The following KHDRBS3 variants were observed in gnomAD, a reference collection of about 807,000 sequenced individuals.
KHDRBS3 encodes the protein KH RNA binding domain containing, signal transduction associated 3.
In KHDRBS3, 23 loss-of-function variants were observed where a neutral mutation model predicts 45.6. That is an observed-to-expected ratio of 0.50 (90% confidence interval 0.36 to 0.72). KHDRBS3 has a LOEUF of 0.72. Among genes scored for constraint, KHDRBS3 ranks in the 30% least tolerant of loss-of-function variants. The pLI, the probability that KHDRBS3 is intolerant of heterozygous loss-of-function variation, is 0.00. For missense variants in KHDRBS3, 352 were observed against 424.8 expected (o/e 0.83, Z 1.51); for synonymous variants, 162 against 156.5 (o/e 1.04, Z -0.26).
intron 7 of KHDRBS3, chr8:135,625,394 G>A: frequency 1.2e-6 from 1 of 804,554 alleles, no homozygotes. Context: ...ATTGAGTGCT[G>A]CATCAACTCA....
At chr8:135,559,867 C>T (rs1827084252) in intron 5 of KHDRBS3, among the ~76,000 whole-genome samples, 1 of 152,142 alleles carries the variant, frequency 6.6e-6, no homozygotes, top group African/African-American at 2.4e-5. Context: ...GAGACTCAAA[C>T]ATCTGTCCTC....
At chr8:135,459,169 C>A (rs1271647107) in intron 1 of KHDRBS3, among the ~76,000 whole-genome samples, 1 of 152,184 alleles carries the variant, frequency 6.6e-6, no homozygotes, top group Non-Finnish European at 1.5e-5. Flanking sequence ...CAGACATATT[C>A]TATTTGTATA....
chr8:135,528,710 G>A (rs903426843), intron 2 of KHDRBS3, among the ~76,000 whole-genome samples: 4 of 152,202 alleles, frequency 2.6e-5, no homozygotes, highest in African/African-American at 9.7e-5. Context: ...CATTTCTGGA[G>A]GCTGGGAAAT....
intron 6 of KHDRBS3, among the ~76,000 whole-genome samples, chr8:135,583,821 A>G (rs372814176): frequency 2.0e-5 from 3 of 152,204 alleles, no homozygotes; most frequent in South Asian, 2.1e-4. Flanking sequence ...AATAAATTAT[A>G]TAGATTAATA....
At chr8:135,537,121 C>T (rs140399851) in intron 2 of KHDRBS3, among the ~76,000 whole-genome samples, 11 of 152,234 alleles carry the variant, frequency 7.2e-5, no homozygotes, top group Admixed American at 2.0e-4. Flanking sequence ...TCAGTGCCCT[C>T]GTGCAGTAGG....
chr8:135,558,996 A>G (rs1395734569), intron 5 of KHDRBS3, among the ~76,000 whole-genome samples: 1 of 152,138 alleles, frequency 6.6e-6, no homozygotes, highest in Admixed American at 6.5e-5. Context: ...CCGTCCTCAC[A>G]CTGCCTTCTC....
At chr8:135,595,008 T>G (rs769752301) in intron 6 of KHDRBS3, among the ~76,000 whole-genome samples, 3 of 152,234 alleles carry the variant, frequency 2.0e-5, no homozygotes, top group South Asian at 2.1e-4. Flanking sequence ...AGTATAATCA[T>G]TCAGTATTTT....
chr8:135,522,913 A>G (rs1167072976), intron 2 of KHDRBS3, among the ~76,000 whole-genome samples: 1 of 152,100 alleles, frequency 6.6e-6, no homozygotes, highest in Non-Finnish European at 1.5e-5. Flanking sequence ...TTGTTGAAAG[A>G]TGTTTCCCTC....
chr8:135,552,831 A>G (rs897224963), intron 4 of KHDRBS3, among the ~76,000 whole-genome samples: 3 of 152,086 alleles, frequency 2.0e-5, no homozygotes, highest in African/African-American at 7.2e-5. Context: ...TGGACAGCCA[A>G]GGGGAGCTCG....
chr8:135,644,833 G>A (rs1167307534), intron 7 of KHDRBS3, among the ~76,000 whole-genome samples: 5 of 151,948 alleles, frequency 3.3e-5, no homozygotes, highest in Non-Finnish European at 5.9e-5. Context: ...TTAAAATGTC[G>A]AAACATATTT....
chr8:135,613,665 G>C (rs1829796720), intron 7 of KHDRBS3, among the ~76,000 whole-genome samples: 1 of 151,690 alleles, frequency 6.6e-6, no homozygotes, highest in Non-Finnish European at 1.5e-5. Flanking sequence ...GACTGTGCGA[G>C]CAAATGTTTT....
At chr8:135,458,320 G>C (rs768611040) in intron 1 of KHDRBS3, 1 of 494,824 alleles carries the variant, frequency 2.0e-6, no homozygotes, top group East Asian at 1.1e-4. Flanking sequence ...TGGACTCGGG[G>C]AAGTAGGGCG....
At chr8:135,603,410 C>T (rs909608484) in intron 6 of KHDRBS3, among the ~76,000 whole-genome samples, 3 of 152,188 alleles carry the variant, frequency 2.0e-5, no homozygotes, top group Admixed American at 2.0e-4. Flanking sequence ...CCAAAATCAT[C>T]TCAAAGTATT....
intron 7 of KHDRBS3, among the ~76,000 whole-genome samples, chr8:135,640,048 A>G (rs1358367337): frequency 6.6e-6 from 1 of 152,172 alleles, no homozygotes; most frequent in Admixed American, 6.5e-5. Flanking sequence ...TCATTGAGCA[A>G]GAAACTTTCA....
intron 4 of KHDRBS3, among the ~76,000 whole-genome samples, chr8:135,556,077 A>G (rs766416508): frequency 6.6e-6 from 1 of 152,130 alleles, no homozygotes; most frequent in Non-Finnish European, 1.5e-5. Context: ...ATCCTTTTTT[A>G]TGGCTGCATA....
chr8:135,507,279 ACAGT>A (rs1824051601), intron 1 of KHDRBS3, among the ~76,000 whole-genome samples: 1 of 152,196 alleles, frequency 6.6e-6, no homozygotes. Flanking sequence ...AGAATAGAAG[ACAGT>A]CAGATATCCA....
rs538449084 is a variant in KHDRBS3, at chr8:135,479,416, A to G, written c.88+21462A>G. On this transcript the variant is annotated intron_variant, in intron 1 of 8. Transcript: ENST00000355849. ...TTCACAAACTCTTTCAAAAATCAGAAGAGGAGGGATTGCTTCTGTCTTAGT... is the reference window on the plus strand; with the variant it reads ...TTCACAAACTCTTTCAAAAATCAGAGGAGGAGGGATTGCTTCTGTCTTAGT... Among the ~76,000 whole-genome samples the G allele has an allele frequency of 5.3e-5, 8 of 152,350 alleles. No individual in the cohort carries two copies. The East Asian group carries it at 1.4e-3, about 26-fold the overall frequency.
intron 1 of KHDRBS3, among the ~76,000 whole-genome samples, chr8:135,508,003 C>A (rs1252417667): frequency 1.3e-5 from 2 of 152,080 alleles, no homozygotes; most frequent in Non-Finnish European, 2.9e-5. Flanking sequence ...GAGTAGAATT[C>A]TTTATATAAA....
At chr8:135,635,725 C>A (rs1389698912) in intron 7 of KHDRBS3, among the ~76,000 whole-genome samples, 1 of 152,192 alleles carries the variant, frequency 6.6e-6, no homozygotes, top group African/African-American at 2.4e-5. Flanking sequence ...AACGTAGACT[C>A]TAAAACCATA....
Sources: allele counts gnomAD v4.1 joint callset (sites outside exome capture counted in the v4.1 genomes callset), GRCh38; gene constraint gnomAD v4.1.1; transcripts MANE v1.5; gene names NCBI Gene and HGNC (gene_info 2026-07-23, HGNC 2026-07-21).